B3GLCT: variants seen among roughly 807,000 people sequenced by gnomAD.
B3GLCT encodes beta 3-glucosyltransferase, also known as beta-1,3-glucosyltransferase.
A neutral mutation model predicts 63.4 loss-of-function variants in B3GLCT; 65 were observed. That is an observed-to-expected ratio of 1.03 (90% confidence interval 0.84 to 1.26). The LOEUF (loss-of-function observed/expected upper bound fraction) is 1.26. B3GLCT is among the 50% of genes most tolerant of loss of function. B3GLCT has a pLI of 0.00. For missense variants in B3GLCT, 577 were observed against 604.8 expected (o/e 0.95, Z 0.48); for synonymous variants, 233 against 219.2 (o/e 1.06, Z -0.55).
At chr13:31,231,439 A>G (rs745833306) in intron 4 of B3GLCT, among the ~76,000 whole-genome samples, 5 of 152,104 alleles carry the variant, frequency 3.3e-5, no homozygotes, top group Non-Finnish European at 7.4e-5. Flanking sequence ...TAGATTATGT[A>G]TCTTCCCCAT....
At chr13:31,327,001 T>TG (rs1351952806) in intron 14 of B3GLCT, among the ~76,000 whole-genome samples, 3 of 152,160 alleles carry the variant, frequency 2.0e-5, no homozygotes, top group Non-Finnish European at 4.4e-5. Flanking sequence ...TTTTTAAAGG[T>TG]GAAAAACCAG....
At chr13:31,299,623 T>G (rs1451019200) in intron 12 of B3GLCT, among the ~76,000 whole-genome samples, 3 of 152,202 alleles carry the variant, frequency 2.0e-5, no homozygotes, top group African/African-American at 4.8e-5. Flanking sequence ...TGGCATTTTG[T>G]GCCTGAGAGG....
chr13:31,215,698 G>T (rs1869524999), intron 2 of B3GLCT, among the ~76,000 whole-genome samples: 1 of 152,094 alleles, frequency 6.6e-6, no homozygotes, highest in Admixed American at 6.5e-5. Context: ...ACAGGCATGA[G>T]CCACCGCACC....
rs370355487 is a variant in B3GLCT, at chr13:31,233,422, A to G, written c.270+4128A>G. 1.6e-3 allele frequency among the ~76,000 whole-genome samples: 238 copies of G among 152,224 alleles called. 3 individuals carry two copies. The highest frequency in any genetic ancestry group is 2.9e-3 in the Non-Finnish European group (196 of 68,004). On this transcript the variant is annotated intron_variant, in intron 4 of 14. Coordinates refer to ENST00000343307, the MANE Select transcript of B3GLCT (RefSeq NM_194318.4). ...AGAAGATGGAAATCCTTCAGTATTGAAACAAAATTAAAAAAAAAAATGGAA... is the reference window on the plus strand; with the variant it reads ...AGAAGATGGAAATCCTTCAGTATTGGAACAAAATTAAAAAAAAAAATGGAA...
intron 4 of B3GLCT, among the ~76,000 whole-genome samples, chr13:31,230,974 C>T (rs919018103): frequency 2.0e-5 from 3 of 152,022 alleles, no homozygotes; most frequent in Non-Finnish European, 4.4e-5. Context: ...CGCCACTGCC[C>T]TCCAGCCTGG....
chr13:31,313,527 G>A (rs1874831095), intron 12 of B3GLCT, among the ~76,000 whole-genome samples: 1 of 152,202 alleles, frequency 6.6e-6, no homozygotes, highest in Non-Finnish European at 1.5e-5. Flanking sequence ...CTTTCAACTC[G>A]AGAGAGATGA....
chr13:31,309,075 T>C (rs1029426432), intron 12 of B3GLCT, among the ~76,000 whole-genome samples: 1 of 152,222 alleles, frequency 6.6e-6, no homozygotes, highest in African/African-American at 2.4e-5. Context: ...CTTTTACCTT[T>C]AGTAACTCAG....
chr13:31,309,343 A>G (rs1874576474), intron 12 of B3GLCT, among the ~76,000 whole-genome samples: 1 of 152,222 alleles, frequency 6.6e-6, no homozygotes, highest in Non-Finnish European at 1.5e-5. Context: ...TCTTCTCCCC[A>G]GCAAACAAGC....
At chr13:31,221,930 T>A (rs929397654) in intron 2 of B3GLCT, among the ~76,000 whole-genome samples, 2 of 152,236 alleles carry the variant, frequency 1.3e-5, no homozygotes, top group Admixed American at 1.3e-4. Flanking sequence ...ATTTAGCTGC[T>A]GACACTTTGC....
intron 6 of B3GLCT, among the ~76,000 whole-genome samples, chr13:31,249,922 T>C (rs1235861027): frequency 6.6e-6 from 1 of 152,250 alleles, no homozygotes; most frequent in African/African-American, 2.4e-5. Context: ...ATGTAATGTG[T>C]GAGGGTATAA....
At chr13:31,234,357 T>C (rs990663340) in intron 4 of B3GLCT, among the ~76,000 whole-genome samples, 2 of 152,066 alleles carry the variant, frequency 1.3e-5, no homozygotes, top group Non-Finnish European at 2.9e-5. Context: ...AGAGCAGTGA[T>C]AGAAGGGTAC....
chr13:31,235,378 G>A (rs1870596417), intron 4 of B3GLCT, among the ~76,000 whole-genome samples: 1 of 152,074 alleles, frequency 6.6e-6, no homozygotes, highest in Non-Finnish European at 1.5e-5. Flanking sequence ...GAAGCTTGAA[G>A]GTGCTGCTTC....
chr13:31,220,488 T>C (rs7323678), intron 2 of B3GLCT, among the ~76,000 whole-genome samples: 146,239 of 152,330 alleles, frequency 0.96, 70,327 homozygotes, highest in East Asian at 1. Flanking sequence ...AAACATCTGG[T>C]AGCAGAAATA....
At chr13:31,323,205 G>T (rs1167734303) in intron 13 of B3GLCT, among the ~76,000 whole-genome samples, 1 of 152,106 alleles carries the variant, frequency 6.6e-6, no homozygotes, top group African/African-American at 2.4e-5. Flanking sequence ...CAAGCTCTTT[G>T]TCCTTTTTTC....
At position 31,243,870 on chromosome 13, in the gene B3GLCT, G is replaced by A. The variant is rs552211908; in HGVS notation, c.271-3153G>A. 3.3e-5 allele frequency among the ~76,000 whole-genome samples: 5 copies of A among 152,302 alleles called. No individual in the cohort carries two copies. The South Asian group carries it at 1.0e-3, about 32-fold the overall frequency. On this transcript the variant is annotated intron_variant, in intron 4 of 14. Transcript: ENST00000343307. ...AGAGATAAATAGAGTTGACATGAAA[G>A]TTTAAATTACTGCAAGCGACCTTTT...
rs34854594 is a variant in B3GLCT at position 31,317,635 on chromosome 13, C to T, written c.1134C>T (p.Tyr378=). 7.0e-4 allele frequency: 1,122 copies of T among 1,614,032 alleles called. 7 individuals are homozygous for T. In the African/African-American group the frequency reaches 0.013, roughly 19 times the overall value. ...SGEPVFLGER[Y]GYGLGTGGYS... ...AGCCTGTGTTTCTGGGAGAGCGCTA[C>T]GGCTACGGCCTGGGCACTGGTGGCT... Residue 378 remains tyrosine (Y), a synonymous_variant, in exon 13 of 15, where the codon TAC becomes TAT. Transcript: ENST00000343307.
chr13:31,229,722 G>A (rs1350905955), intron 4 of B3GLCT, among the ~76,000 whole-genome samples: 1 of 151,172 alleles, frequency 6.6e-6, no homozygotes, highest in Admixed American at 6.6e-5. Context: ...CTCCAGCCTG[G>A]GTGACAGAGT....
At chr13:31,264,942 C>T (rs1872216423) in intron 7 of B3GLCT, among the ~76,000 whole-genome samples, 1 of 152,194 alleles carries the variant, frequency 6.6e-6, no homozygotes, top group Admixed American at 6.5e-5. Flanking sequence ...TTATCAATAT[C>T]ATTGAGGACC....
intron 4 of B3GLCT, among the ~76,000 whole-genome samples, chr13:31,234,111 G>A (rs1011967068): frequency 4.0e-5 from 6 of 151,588 alleles, no homozygotes; most frequent in Non-Finnish European, 8.8e-5. Flanking sequence ...TCCGCCTCCC[G>A]GGTTCATGCC....
Sources: gnomAD v4.1 joint callset for allele counts (sites outside exome capture counted in the v4.1 genomes callset) on GRCh38, gnomAD v4.1.1 for gene constraint, MANE v1.5 for transcripts, NCBI Gene and HGNC (gene_info 2026-07-23, HGNC 2026-07-21) for gene names.